Variants in PPP2R3B observed in about 807,000 individuals in gnomAD.
The protein encoded by PPP2R3B is protein phosphatase 2 regulatory subunit B''beta.
PPP2R3B carries 68 observed loss-of-function variants against 72.9 expected under a neutral mutation model. The observed-to-expected ratio is 0.93, with a 90% CI of 0.77 to 1.14. The LOEUF (loss-of-function observed/expected upper bound fraction) is 1.14, where lower values mean the gene tolerates loss of function less well. Among genes scored for constraint, PPP2R3B ranks in the 50% most tolerant of loss-of-function variants. The pLI is 0.00. For missense variants in PPP2R3B, 1,018 were observed against 842.0 expected, an observed-to-expected ratio of 1.21 and a Z score of -2.59; for synonymous variants, 466 against 375.8, an observed-to-expected ratio of 1.24 and a Z score of -2.78.
intron 1 of PPP2R3B, among the ~76,000 whole-genome samples, chrX:384,130 C>T (rs2072189873): frequency 1.3e-5 from 2 of 151,968 alleles, no homozygotes; most frequent in African/African-American, 4.8e-5. Flanking sequence ...TCTCCAGCAG[C>T]TAAATGTCCT....
chrX:363,257 G>GCC (rs2071582940), intron 1 of PPP2R3B, among the ~76,000 whole-genome samples: 2 of 101,644 alleles, frequency 2.0e-5, no homozygotes, highest in African/African-American at 4.1e-5. Context: ...CCGAGCCCAT[G>GCC]ATCCCGCAGT....
Position 361,466 on chromosome X carries a change from C to T in PPP2R3B, c.449G>A (p.Ser150Asn), listed in dbSNP as rs752933622. The change falls in exon 2 of 13, where the codon AGC (serine) becomes AAC (asparagine). Residue 150 changes from serine (S) to asparagine (N), a missense_variant. Transcript: ENST00000390665. ...NVDAVISKIE[S>N]TFARFPHERA... ...CTCGTGGGGGAACCGGGCGAAGGTG[C>T]TCTCGATCTTGCTGATGACGGCATC... 1.2e-6 allele frequency: 2 copies of T among 1,613,996 alleles called. No individual in the cohort carries two copies. The highest frequency in any genetic ancestry group is 1.7e-6 in the Non-Finnish European group (2 of 1,179,876).
At chrX:385,512 C>A (rs1259460450) in intron 1 of PPP2R3B, among the ~76,000 whole-genome samples, 1 of 151,782 alleles carries the variant, frequency 6.6e-6, no homozygotes, top group Non-Finnish European at 1.5e-5. Flanking sequence ...AAATAAATGG[C>A]GTTTCTTCTA....
chrX:341,268 C>T (rs2071066311), intron 9 of PPP2R3B, 39 bp downstream of exon 9: 6 of 1,604,268 alleles, frequency 3.7e-6, no homozygotes, highest in African/African-American at 1.3e-5. Flanking sequence ...GCTCCCGGCC[C>T]CTCCACTGGG....
intron 2 of PPP2R3B, among the ~76,000 whole-genome samples, chrX:350,660 A>G (rs1481941698): frequency 6.6e-6 from 1 of 152,224 alleles, no homozygotes; most frequent in Non-Finnish European, 1.5e-5. Flanking sequence ...TGGCAACAAG[A>G]ACATGACACG....
intron 2 of PPP2R3B, among the ~76,000 whole-genome samples, chrX:359,359 C>T (rs980650403): frequency 2.0e-5 from 3 of 152,206 alleles, no homozygotes; most frequent in Admixed American, 6.5e-5. Context: ...TGCCAGGGCA[C>T]GGAGCAGGTG....
chrX:382,172 C>T (rs2072140830), intron 1 of PPP2R3B, among the ~76,000 whole-genome samples: 2 of 151,400 alleles, frequency 1.3e-5, no homozygotes, highest in Admixed American at 1.3e-4. Context: ...CTCAACGTGA[C>T]CTGAACATCT....
At position 334,290 on chromosome X, in the gene PPP2R3B, C is replaced by T. The variant is rs1354503905; in HGVS notation, c.*77G>A. 1.7e-5 allele frequency: 23 copies of T among 1,380,576 alleles called. No homozygotes were observed. The highest frequency in any genetic ancestry group is 1.5e-5 in the South Asian group (1 of 64,638). 85.5% of individuals were successfully genotyped at this position (1,380,576 alleles called of 1,614,324 possible). On this transcript the variant is annotated 3_prime_UTR_variant, in exon 13 of 13. Transcript: ENST00000390665. Reference sequence around the variant, plus strand: ...GTACAAACGCACTCATTTTCCACAACAGTTTTTACACGAGCCGCGGTGGCC... The same window carrying T: ...GTACAAACGCACTCATTTTCCACAATAGTTTTTACACGAGCCGCGGTGGCC...
At chrX:384,392 C>G (rs1441122986) in intron 1 of PPP2R3B, among the ~76,000 whole-genome samples, 3 of 151,290 alleles carry the variant, frequency 2.0e-5, no homozygotes, top group Non-Finnish European at 4.4e-5. Context: ...CGACTCCCAG[C>G]TTCAAGCATT....
At chrX:337,188 C>A (rs955803230) in intron 12 of PPP2R3B, 2 of 152,180 alleles carry the variant, frequency 1.3e-5, no homozygotes, top group African/African-American at 4.8e-5. Context: ...TCACGCCATT[C>A]TCTTGCCTCA....
intron 2 of PPP2R3B, among the ~76,000 whole-genome samples, chrX:350,232 C>G: frequency 6.6e-6 from 1 of 152,328 alleles, no homozygotes; most frequent in East Asian, 1.9e-4. Flanking sequence ...ACACTTCACA[C>G]AAACTGAATA....
intron 2 of PPP2R3B, chrX:359,786 A>G (rs1463131069): frequency 2.0e-6 from 1 of 493,222 alleles, no homozygotes; most frequent in Non-Finnish European, 4.0e-6. Flanking sequence ...ATAATTGCTC[A>G]TATTAAAAGC....
chrX:338,594 C>T lies in PPP2R3B; in HGVS notation c.1577+10G>A, dbSNP rs750089936. 6 of 1,592,426 alleles carry T rather than the reference C, an allele frequency of 3.8e-6. No individual in the cohort carries two copies. The East Asian group carries it at 1.4e-4, about 36-fold the overall frequency. On this transcript the variant is annotated intron_variant, in intron 12 of 12. Transcript: ENST00000390665. ...ACCCGTCCCCCCACTCACCCGTCCT[C>T]CCCACTCACCCGTCCTCCCAGGGCT...
Position 338,661 on chromosome X carries a change from G to A in PPP2R3B, c.1520C>T (p.Ala507Val). 1.2e-6 allele frequency: 2 copies of A among 1,611,264 alleles called. No individual in the cohort carries two copies. The highest frequency in any genetic ancestry group is 1.7e-6 in the Non-Finnish European group (2 of 1,179,622). ...GGCCACCAGGATGTCGTACTCCTCG[G>A]CCGCGTACTTCTCCCAGTCCGAGAG... ...PELSDWEKYA[A>V]EEYDILVAEE... Residue 507 changes from alanine to valine, a missense_variant, in exon 12 of 13, where the codon GCC becomes GTC. Physicochemically the swap from Ala to Val is moderately conservative, Grantham distance 64. Transcript: ENST00000390665.
chrX:341,560 G>A, intron 8 of PPP2R3B, 164 bp from the exon 9 acceptor site: 2 of 744,986 alleles, frequency 2.7e-6, no homozygotes, highest in Non-Finnish European at 4.6e-6. Context: ...GGAGGTGGAG[G>A]CCCCGTGGCC....
At position 338,826 on chromosome X, in the gene PPP2R3B, G is replaced by T. The variant is rs763588338; in HGVS notation, c.1422C>A (p.Ile474=). The change falls in exon 11 of 13, where the codon ATC becomes ATA. Residue 474 remains isoleucine, a synonymous_variant. Coordinates refer to ENST00000390665, the MANE Select transcript of PPP2R3B (RefSeq NM_013239.5). ...TCTGCTCGTGGTCGAGGTACTTCTC[G>T]ATGTTGAAGAAGGTGTCGAAGAAGA... The part of the protein sequence containing the change: ...ANVFFDTFFN[I]EKYLDHEQKE... 6.2e-7 allele frequency: 1 copy of T among 1,612,312 alleles called. No individual in the cohort carries two copies. The highest frequency in any genetic ancestry group is 1.7e-5 in the Admixed American group (1 of 59,998).
At chrX:347,392 G>A (rs2071244090) in intron 3 of PPP2R3B, 56 bp from the exon 4 acceptor site, 18 of 1,517,818 alleles carry the variant, frequency 1.2e-5, no homozygotes, top group South Asian at 4.5e-5. Flanking sequence ...TTTCGACCCC[G>A]CAGACGCAGG....
chrX:363,560 A>G, intron 1 of PPP2R3B, among the ~76,000 whole-genome samples: 1 of 143,184 alleles, frequency 7.0e-6, no homozygotes, highest in Non-Finnish European at 1.5e-5. Flanking sequence ...CCCGCAGTGC[A>G]TCTCCATGAG....
chrX:374,253 G>C (rs1316819234), intron 1 of PPP2R3B, among the ~76,000 whole-genome samples: 3 of 152,182 alleles, frequency 2.0e-5, no homozygotes, highest in Admixed American at 6.5e-5. Context: ...CACCAGAGCT[G>C]GCTGCAGGCT....
Sources: gnomAD v4.1 joint callset for allele counts (sites outside exome capture counted in the v4.1 genomes callset) on GRCh38, gnomAD v4.1.1 for gene constraint, MANE v1.5 for transcripts, NCBI Gene and HGNC (gene_info 2026-07-23, HGNC 2026-07-21) for gene names.